Variants in CERS4 observed in about 807,000 individuals in gnomAD.
CERS4 encodes ceramide synthase 4, also known as LAG1 homolog, ceramide synthase 4.
A neutral mutation model predicts 51.8 loss-of-function variants in CERS4; 65 were observed. That is an observed-to-expected ratio of 1.26 (90% confidence interval 1.03 to 1.54). The LOEUF (loss-of-function observed/expected upper bound fraction) is 1.54. Ranked by LOEUF, CERS4 falls within the 40% of genes most tolerant of loss-of-function variation. The pLI, the probability that CERS4 is intolerant of heterozygous loss-of-function variation, is 0.00. For missense variants in CERS4, 563 were observed against 500.4 expected (o/e 1.13, Z -1.19); for synonymous variants, 228 against 208.4 (o/e 1.09, Z -0.81).
chr19:8,261,497 T>C, intron 10 of CERS4, 191 bp from the exon 11 acceptor site: 1 of 621,426 alleles, frequency 1.6e-6, no homozygotes. Context: ...GTGTGTGTTC[T>C]GCTCATTTAG....
At chr19:8,214,111 C>T (rs1335107455) in intron 2 of CERS4, among the ~76,000 whole-genome samples, 1 of 152,120 alleles carries the variant, frequency 6.6e-6, no homozygotes, top group Non-Finnish European at 1.5e-5. Flanking sequence ...GCTTTCCCTC[C>T]CTACCCCCTC....
At position 8,257,086 on chromosome 19, in the gene CERS4, G is replaced by C; in HGVS notation, c.741+9G>C. Reference sequence around the variant, plus strand: ...CTGACTACCTGCTGGAGGTGGGCCCGACCCCTGCCTGACCCTTCCCAGCTG... The same window carrying C: ...CTGACTACCTGCTGGAGGTGGGCCCCACCCCTGCCTGACCCTTCCCAGCTG... On this transcript the variant is annotated intron_variant, in intron 9 of 11. Transcript: ENST00000251363. 1 of 1,584,552 alleles carries C rather than the reference G, an allele frequency of 6.3e-7. No homozygotes were observed. The highest frequency in any genetic ancestry group is 8.6e-7 in the Non-Finnish European group (1 of 1,163,544).
At position 8,248,162 on chromosome 19, in the gene CERS4, G is replaced by T. The variant is rs531738382; in HGVS notation, c.-1-2914G>T. Among the ~76,000 whole-genome samples the T allele has an allele frequency of 7.8e-4, 119 of 152,288 alleles. 1 individual carries two copies. Among genetic ancestry groups the T allele is most frequent in the African/African-American group, 2.9e-3 (119 of 41,572 alleles). Reference sequence around the variant, plus strand: ...ATACTTTGGCATCTCATTCATTTATGAATCTGTTTACTTGTTTATTGGCTG... The same window carrying T: ...ATACTTTGGCATCTCATTCATTTATTAATCTGTTTACTTGTTTATTGGCTG... On this transcript the variant is annotated intron_variant, in intron 2 of 11. Coordinates refer to ENST00000251363, the MANE Select transcript of CERS4 (RefSeq NM_024552.3).
At chr19:8,220,199 A>C (rs1213183880) in intron 2 of CERS4, among the ~76,000 whole-genome samples, 1 of 144,726 alleles carries the variant, frequency 6.9e-6, no homozygotes, top group African/African-American at 2.6e-5. Flanking sequence ...GATCTACCCC[A>C]GATACTCATC....
At chr19:8,254,878 C>T (rs1010997099) in intron 4 of CERS4, among the ~76,000 whole-genome samples, 6 of 151,982 alleles carry the variant, frequency 3.9e-5, no homozygotes, top group Admixed American at 2.6e-4. Flanking sequence ...GATGAGGACC[C>T]CCCCCTTCCC....
intron 2 of CERS4, among the ~76,000 whole-genome samples, chr19:8,228,396 C>T (rs552546194): frequency 3.3e-5 from 5 of 152,088 alleles, no homozygotes; most frequent in Non-Finnish European, 5.9e-5. Context: ...ATATGTCAGC[C>T]GAGCATGGTG....
At chr19:8,253,597 T>TG (rs1230209277) in intron 3 of CERS4, among the ~76,000 whole-genome samples, 2 of 151,814 alleles carry the variant, frequency 1.3e-5, no homozygotes, top group Non-Finnish European at 2.9e-5. Context: ...CCCAAATAGC[T>TG]GGGGCTACAG....
intron 2 of CERS4, among the ~76,000 whole-genome samples, chr19:8,212,983 C>T (rs1465426031): frequency 6.6e-6 from 1 of 152,002 alleles, no homozygotes; most frequent in Non-Finnish European, 1.5e-5. Flanking sequence ...CTTTACCAAC[C>T]CTGTTCTGTT....
At chr19:8,256,483 C>CCT (rs1253451833) in intron 7 of CERS4, 135 bp from the exon 8 acceptor site, 1 of 991,460 alleles carries the variant, frequency 1.0e-6, no homozygotes, top group Non-Finnish European at 1.5e-6. Flanking sequence ...CCCTTGATTA[C>CCT]CTCCAGGGAT....
intron 10 of CERS4, among the ~76,000 whole-genome samples, chr19:8,258,192 G>A (rs1385464503): frequency 6.6e-6 from 1 of 152,200 alleles, no homozygotes; most frequent in Non-Finnish European, 1.5e-5. Context: ...TACTCAGCGT[G>A]CCTGGACCAT....
chr19:8,255,474 C>G, intron 4 of CERS4, 133 bp from the exon 5 acceptor site: 1 of 778,330 alleles, frequency 1.3e-6, no homozygotes, highest in Admixed American at 2.4e-5. Context: ...ACTGCCCCTC[C>G]ATATAGACAT....
rs1969747846 is a variant in CERS4 at position 8,262,228 on chromosome 19, G to C, written c.*119G>C. The C allele has an allele frequency of 3.5e-6, 4 of 1,139,744 alleles. No homozygotes were observed. Among genetic ancestry groups the C allele is most frequent in the Non-Finnish European group, 3.5e-6 (3 of 858,776 alleles). The allele number at this position is 1,139,744 out of a possible 1,614,324, so 70.6% of individuals were successfully genotyped here. A position where few individuals can be genotyped will look rare whatever the true frequency, so the allele number is the denominator to read the frequency against. ...AGACAGGGAGGGCCCCACCCGGGGT[G>C]GGTGGGAAGGCTGATGATCTGTCTC... On this transcript the variant is annotated 3_prime_UTR_variant, in exon 12 of 12. Coordinates refer to ENST00000251363, the MANE Select transcript of CERS4 (RefSeq NM_024552.3).
chr19:8,219,909 A>G (rs1461458735), intron 2 of CERS4, among the ~76,000 whole-genome samples: 1 of 151,098 alleles, frequency 6.6e-6, no homozygotes, highest in Non-Finnish European at 1.5e-5. Flanking sequence ...TTTGAACCCA[A>G]GAGTTTGAGG....
Position 8,256,364 on chromosome 19 carries a change from C to T in CERS4, c.519+78C>T, listed in dbSNP as rs968970164. 106 of 1,471,352 alleles carry T rather than the reference C, an allele frequency of 7.2e-5. 1 individual carries two copies. The highest frequency in any genetic ancestry group is 7.1e-4 in the African/African-American group (51 of 72,192). 91.1% of individuals were successfully genotyped at this position (1,471,352 alleles called of 1,614,324 possible). On this transcript the variant is annotated intron_variant, in intron 7 of 11. Transcript: ENST00000251363. Reference sequence around the variant, plus strand: ...TTGCTGCAGCCATGGGCATGGGACCCGAACCCTGACACTACACTGTCATTC... The same window carrying T: ...TTGCTGCAGCCATGGGCATGGGACCTGAACCCTGACACTACACTGTCATTC...
intron 2 of CERS4, 94 bp from the exon 3 acceptor site, chr19:8,250,982 G>C (rs546658356): frequency 7.4e-6 from 11 of 1,490,210 alleles, no homozygotes; most frequent in East Asian, 5.0e-5. Flanking sequence ...ATAGGGGCCC[G>C]AGTAGGAGTT....
chr19:8,232,439 T>C (rs950755086), intron 2 of CERS4, among the ~76,000 whole-genome samples: 2 of 151,966 alleles, frequency 1.3e-5, no homozygotes, highest in South Asian at 2.1e-4. Flanking sequence ...TACAGGCACG[T>C]GCCACCACAC....
At chr19:8,231,534 A>G (rs1351933530) in intron 2 of CERS4, among the ~76,000 whole-genome samples, 1 of 151,880 alleles carries the variant, frequency 6.6e-6, no homozygotes, top group Admixed American at 6.6e-5. Flanking sequence ...GGGGCTTTCC[A>G]TCTCTGGCTC....
intron 2 of CERS4, among the ~76,000 whole-genome samples, chr19:8,222,676 T>G (rs1198827334): frequency 2.0e-5 from 3 of 151,962 alleles, no homozygotes; most frequent in African/African-American, 7.3e-5. Flanking sequence ...TTTTGTATTT[T>G]TGGTAGAGAC....
chr19:8,251,822 G>C (rs1969098181), intron 3 of CERS4, among the ~76,000 whole-genome samples: 1 of 149,834 alleles, frequency 6.7e-6, no homozygotes, highest in African/African-American at 2.5e-5. Context: ...AATGTGAGCT[G>C]GGGTGTTATC....
Sources: gnomAD v4.1 joint callset for allele counts (sites outside exome capture counted in the v4.1 genomes callset) on GRCh38, gnomAD v4.1.1 for gene constraint, MANE v1.5 for transcripts, NCBI Gene and HGNC (gene_info 2026-07-23, HGNC 2026-07-21) for gene names.